PM20D2: variants seen among roughly 807,000 people sequenced by gnomAD.
PM20D2 encodes xaa-Arg dipeptidase.
Under a neutral mutation model 42.9 loss-of-function variants are expected in PM20D2, and 33 were observed. That is an observed-to-expected ratio of 0.77 (90% CI 0.58 to 1.03). The LOEUF (loss-of-function observed/expected upper bound fraction) is 1.03, where lower values mean the gene tolerates loss of function less well. PM20D2 is among the 50% of genes least tolerant of loss of function. The pLI is 0.00. For missense variants in PM20D2, 548 were observed against 557.0 expected (o/e 0.98, Z 0.16); for synonymous variants, 250 against 228.2 (o/e 1.10, Z -0.86).
chr6:89,143,350 C>T (rs1233169782), upstream of PM20D2, among the ~76,000 whole-genome samples: 1 of 152,138 alleles, frequency 6.6e-6, no homozygotes, highest in African/African-American at 2.4e-5. Context: ...ACTCATTTGT[C>T]ATGAATGTCC....
At chr6:89,114,909 G>A in the PM20D2 span, among the ~76,000 whole-genome samples, 5 of 151,810 alleles carry the variant, frequency 3.3e-5, no homozygotes, top group Non-Finnish European at 5.9e-5. Context: ...CGATTCTCCT[G>A]TCTCCGCCTC....
At chr6:89,105,095 A>C in the PM20D2 span, 1 of 1,551,708 alleles carries the variant, frequency 6.4e-7, no homozygotes, top group Non-Finnish European at 8.7e-7. Flanking sequence ...TAGAAAATGA[A>C]ATTTTCAGTC....
At chr6:89,150,972 G>A (rs1055154814) in intron 2 of PM20D2, among the ~76,000 whole-genome samples, 4 of 151,326 alleles carry the variant, frequency 2.6e-5, no homozygotes, top group Non-Finnish European at 5.9e-5. Flanking sequence ...TGGCCAACTT[G>A]GCAAAACCCC....
At chr6:89,137,704 T>C in the PM20D2 span, among the ~76,000 whole-genome samples, 1 of 152,322 alleles carries the variant, frequency 6.6e-6, no homozygotes, top group Admixed American at 6.5e-5. Context: ...TTGCAGACAG[T>C]TTTAAAAATA....
intron 5 of PM20D2, 52 bp downstream of exon 5, chr6:89,158,512 T>C: frequency 5.1e-6 from 8 of 1,569,364 alleles, no homozygotes; most frequent in Non-Finnish European, 6.9e-6. Context: ...AGAAATACCA[T>C]CTTTGGTTAA....
the PM20D2 span, among the ~76,000 whole-genome samples, chr6:89,117,129 A>AAATTCTCAACGGAG: frequency 6.6e-6 from 1 of 152,190 alleles, no homozygotes; most frequent in Non-Finnish European, 1.5e-5. Context: ...TCTGTAGACA[A>AAATTCTCAACGGAG]AATTCTCAAC....
At chr6:89,114,987 G>A in the PM20D2 span, among the ~76,000 whole-genome samples, 67 of 152,006 alleles carry the variant, frequency 4.4e-4, no homozygotes, top group Admixed American at 2.8e-3. Flanking sequence ...TAGTAGAGAC[G>A]GTGTTTTACC....
chr6:89,120,953 A>G, the PM20D2 span, among the ~76,000 whole-genome samples: 1 of 152,196 alleles, frequency 6.6e-6, no homozygotes, highest in Non-Finnish European at 1.5e-5. Context: ...CTATTCAGGT[A>G]TAGGTATTAT....
At chr6:89,121,942 A>T in the PM20D2 span, among the ~76,000 whole-genome samples, 2 of 152,244 alleles carry the variant, frequency 1.3e-5, no homozygotes, top group Admixed American at 1.3e-4. Flanking sequence ...TCAAAAGTAA[A>T]TACATTTTAA....
At chr6:89,116,925 G>A in the PM20D2 span, among the ~76,000 whole-genome samples, 7 of 151,996 alleles carry the variant, frequency 4.6e-5, no homozygotes, top group African/African-American at 1.7e-4. Flanking sequence ...AAAACTCTTA[G>A]TTTCCGCTCT....
In PM20D2 at chr6:89,154,732, T is replaced by G; in HGVS notation, c.758-16T>G. ...GGTCACCAAGCTTAATTCTAGTAAT[T>G]TGGTTCTTTTTATAGGTATAATAAA... is the stretch of plus-strand genomic sequence containing the variant. On this transcript the variant is annotated splice_polypyrimidine_tract_variant and intron_variant, in intron 3 of 6. Coordinates refer to ENST00000275072, the MANE Select transcript of PM20D2 (RefSeq NM_001010853.3). 3.4e-6 allele frequency: 5 copies of G among 1,476,610 alleles called. No homozygotes were observed. The highest frequency in any genetic ancestry group is 4.5e-6 in the Non-Finnish European group (5 of 1,102,058). The allele number at this position is 1,476,610 out of a possible 1,614,324, so 91.5% of individuals were successfully genotyped here.
chr6:89,141,197 C>A (rs1770280407), upstream of PM20D2, among the ~76,000 whole-genome samples: 2 of 152,016 alleles, frequency 1.3e-5, no homozygotes, highest in Non-Finnish European at 2.9e-5. Context: ...ATGGCTTTAC[C>A]ATTCACTCAG....
the PM20D2 span, among the ~76,000 whole-genome samples, chr6:89,135,496 T>C: frequency 4.0e-5 from 6 of 151,238 alleles, no homozygotes; most frequent in African/African-American, 1.5e-4. Flanking sequence ...TAAGTTCTCT[T>C]TGAATTGGCC....
chr6:89,117,368 A>G, the PM20D2 span, among the ~76,000 whole-genome samples: 1 of 152,236 alleles, frequency 6.6e-6, no homozygotes, highest in Non-Finnish European at 1.5e-5. Flanking sequence ...TTATGGTACA[A>G]AACGTTCTCA....
chr6:89,094,215 C>A, the PM20D2 span, among the ~76,000 whole-genome samples: 1 of 151,402 alleles, frequency 6.6e-6, no homozygotes, highest in Admixed American at 6.6e-5. Flanking sequence ...GCCACCGCAC[C>A]GGCCTCTTTA....
the PM20D2 span, chr6:89,097,673 A>G: frequency 6.6e-6 from 1 of 152,134 alleles, no homozygotes; most frequent in Admixed American, 6.5e-5. Context: ...AATACAAGGT[A>G]CTAAACACTC....
chr6:89,140,249 A>G, the PM20D2 span, among the ~76,000 whole-genome samples: 7 of 152,238 alleles, frequency 4.6e-5, no homozygotes, highest in East Asian at 1.4e-3. Context: ...GTCCTGTCCT[A>G]TTTACTAATT....
At chr6:89,111,956 T>C in the PM20D2 span, among the ~76,000 whole-genome samples, 3 of 152,220 alleles carry the variant, frequency 2.0e-5, no homozygotes, top group Non-Finnish European at 2.9e-5. Context: ...AAAGATATTA[T>C]TTTTCCTAAG....
At chr6:89,124,733 G>GTTTTT in the PM20D2 span, among the ~76,000 whole-genome samples, 142 of 79,594 alleles carry the variant, frequency 1.8e-3, 7 homozygotes, top group South Asian at 4.1e-3. Flanking sequence ...TGTTGCTGTT[G>GTTTTT]TTGTTTTTTT....
Sources: gnomAD v4.1 joint callset for allele counts (sites outside exome capture counted in the v4.1 genomes callset) on GRCh38, gnomAD v4.1.1 for gene constraint, MANE v1.5 for transcripts, NCBI Gene and HGNC (gene_info 2026-07-23, HGNC 2026-07-21) for gene names.